Variants in CCDC171 observed in about 807,000 individuals in gnomAD.
CCDC171 encodes coiled-coil domain containing 171, also known as coiled-coil domain-containing protein 171.
Under a neutral mutation model 168.2 loss-of-function variants are expected in CCDC171, and 177 were observed. That is an observed-to-expected ratio of 1.05 (90% CI 0.93 to 1.19). CCDC171 has a LOEUF of 1.19. Ranked by LOEUF, CCDC171 falls within the 50% of genes most tolerant of loss-of-function variation. The pLI is 0.00. For missense variants in CCDC171, 1,991 were observed against 1,539.0 expected (o/e 1.29, Z -4.91); for synonymous variants, 687 against 540.8 (o/e 1.27, Z -3.75).
chr9:15,755,624 G>C (rs2056059344), intron 18 of CCDC171, among the ~76,000 whole-genome samples: 1 of 152,122 alleles, frequency 6.6e-6, no homozygotes, highest in African/African-American at 2.4e-5. Context: ...TCATAAAAAG[G>C]AATAAAGTAC....
At chr9:16,075,914 T>C in the CCDC171 span, among the ~76,000 whole-genome samples, 19,492 of 152,130 alleles carry the variant, frequency 0.13, 1,334 homozygotes, top group Middle Eastern at 0.15. Flanking sequence ...TTGAAGTAGA[T>C]AGAGGGCATC....
At chr9:16,004,595 A>T (rs1203932217) in intron 3 of CCDC171, among the ~76,000 whole-genome samples, 2 of 151,856 alleles carry the variant, frequency 1.3e-5, no homozygotes, top group African/African-American at 2.4e-5. Flanking sequence ...ACATCGTATG[A>T]CTCTAGGTGT....
chr9:16,082,361 A>G, the CCDC171 span, among the ~76,000 whole-genome samples: 1 of 152,232 alleles, frequency 6.6e-6, no homozygotes, highest in Non-Finnish European at 1.5e-5. Context: ...TCATGGCTTC[A>G]TAGCAGGTCA....
At chr9:15,743,327 G>A (rs543318181) in intron 16 of CCDC171, among the ~76,000 whole-genome samples, 1 of 151,490 alleles carries the variant, frequency 6.6e-6, no homozygotes, top group Non-Finnish European at 1.5e-5. Flanking sequence ...CACTATTCCT[G>A]TCTTAATTTT....
chr9:15,952,245 G>A (rs181993105), intron 25 of CCDC171, among the ~76,000 whole-genome samples: 24 of 152,206 alleles, frequency 1.6e-4, no homozygotes, highest in South Asian at 4.1e-4. Context: ...CTCTATATCT[G>A]TCTTTATGCC....
At chr9:15,569,831 C>CAAAAAAG (rs1563957468) in intron 2 of CCDC171, among the ~76,000 whole-genome samples, 1 of 111,882 alleles carries the variant, frequency 8.9e-6, no homozygotes, top group East Asian at 4.1e-4. Context: ...AAACAAAAAA[C>CAAAAAAG]AAAAAACAAA....
intron 20 of CCDC171, among the ~76,000 whole-genome samples, chr9:15,781,063 C>T (rs1001563450): frequency 1.3e-5 from 2 of 152,158 alleles, no homozygotes; most frequent in African/African-American, 2.4e-5. Context: ...GTATAGTCAA[C>T]TGTATTTAGA....
At chr9:15,582,417 A>T (rs1056958346) in intron 4 of CCDC171, among the ~76,000 whole-genome samples, 8 of 152,232 alleles carry the variant, frequency 5.3e-5, no homozygotes, top group Non-Finnish European at 1.2e-4. Context: ...TGACCCAGCC[A>T]TCCCATTGCT....
At chr9:15,944,188 T>G (rs1828035559) in intron 25 of CCDC171, among the ~76,000 whole-genome samples, 1 of 152,042 alleles carries the variant, frequency 6.6e-6, no homozygotes, top group Non-Finnish European at 1.5e-5. Context: ...TTTCTCAGCA[T>G]CATCTAGTTA....
chr9:15,561,828 A>T (rs962155777), intron 1 of CCDC171, among the ~76,000 whole-genome samples: 5 of 149,166 alleles, frequency 3.4e-5, no homozygotes, highest in African/African-American at 4.9e-5. Flanking sequence ...GAAGAAAATT[A>T]AAAAAAAAAG....
rs1817588228 is a variant in CCDC171 at position 15,874,516 on chromosome 9, G to GT, written c.3469-9dup. ...CTGAAGGGGAATTACCATTGATGCT[G>GT]TTTTTTTCCCTTTAGGTCAGAGATC... On this transcript the variant is annotated splice_polypyrimidine_tract_variant and intron_variant, in intron 23 of 25. Transcript: ENST00000380701. The GT allele has an allele frequency of 2.5e-6, 4 of 1,581,254 alleles. No individual in the cohort carries two copies. Among genetic ancestry groups the GT allele is most frequent in the African/African-American group, 1.4e-5 (1 of 73,472 alleles).
intron 16 of CCDC171, among the ~76,000 whole-genome samples, chr9:15,736,357 C>CT (rs1163850877): frequency 3.5e-4 from 52 of 147,532 alleles, no homozygotes; most frequent in Middle Eastern, 3.5e-3. Context: ...ACTCATATTC[C>CT]TTTTTTTTTT....
the CCDC171 span, among the ~76,000 whole-genome samples, chr9:16,083,996 A>G: frequency 6.6e-6 from 1 of 152,188 alleles, no homozygotes; most frequent in Non-Finnish European, 1.5e-5. Flanking sequence ...GGTAGACTAA[A>G]GACACTGAAA....
intron 1 of CCDC171, among the ~76,000 whole-genome samples, chr9:15,556,045 G>T (rs1461445154): frequency 6.6e-6 from 1 of 152,090 alleles, no homozygotes; most frequent in African/African-American, 2.4e-5. Flanking sequence ...AGTATTCCAT[G>T]GTGTATATGT....
chr9:16,065,313 C>T (rs1173464389), downstream of CCDC171, among the ~76,000 whole-genome samples: 1 of 152,114 alleles, frequency 6.6e-6, no homozygotes, highest in East Asian at 1.9e-4. Context: ...GTGTGTAGTG[C>T]AAGCTCCCTC....
rs139737353 is a variant in CCDC171 at position 15,971,630 on chromosome 9, A to C, written c.3775A>C (p.Asn1259His). 8 of 1,613,208 alleles carry C rather than the reference A, an allele frequency of 5.0e-6. No individual in the cohort carries two copies. The South Asian group carries it at 6.6e-5, about 13-fold the overall frequency. ...LQSIGSRDHS[N>H]LSIPSRAPLP... ...ACAGATAGGATCACGAGACCATTCA[A>C]ATCTCTCCATTCCTTCAAGAGCTCC... The change falls in exon 26 of 26, where the codon AAT becomes CAT. Residue 1259 changes from asparagine (N) to histidine (H), a missense_variant. Physicochemically the swap from Asn to His is moderately conservative, Grantham distance 68. Coordinates refer to ENST00000380701, the MANE Select transcript of CCDC171 (RefSeq NM_173550.4).
chr9:15,682,797 A>G (rs1024372513), intron 10 of CCDC171, among the ~76,000 whole-genome samples: 4 of 152,024 alleles, frequency 2.6e-5, no homozygotes, highest in Non-Finnish European at 5.9e-5. Flanking sequence ...GAATTTGACT[A>G]TAAAAAGTTT....
At chr9:16,077,406 T>C in the CCDC171 span, among the ~76,000 whole-genome samples, 1 of 152,316 alleles carries the variant, frequency 6.6e-6, no homozygotes, top group African/African-American at 2.4e-5. Flanking sequence ...TGACCTTGCA[T>C]GACCTTGCCA....
chr9:15,904,248 A>C (rs562740992), intron 24 of CCDC171, among the ~76,000 whole-genome samples: 3 of 152,172 alleles, frequency 2.0e-5, no homozygotes, highest in African/African-American at 7.2e-5. Flanking sequence ...GTTGAAATGA[A>C]GGAAAAAATG....
Sources: allele counts gnomAD v4.1 joint callset (sites outside exome capture counted in the v4.1 genomes callset), GRCh38; gene constraint gnomAD v4.1.1; transcripts MANE v1.5; gene names NCBI Gene and HGNC (gene_info 2026-07-23, HGNC 2026-07-21).